Variants in FNBP1L observed in about 807,000 individuals in gnomAD.
The protein encoded by FNBP1L is formin binding protein 1 like, also known as formin-binding protein 1-like.
Under a neutral mutation model 91.2 loss-of-function variants are expected in FNBP1L, and 36 were observed. The ratio of observed to expected loss-of-function variants is 0.39; its 90% CI spans 0.30 to 0.52. The LOEUF (loss-of-function observed/expected upper bound fraction) is 0.52. FNBP1L is among the 20% of genes least tolerant of loss of function. FNBP1L has a pLI of 0.66. For missense variants in FNBP1L, 571 were observed against 732.1 expected (o/e 0.78, Z 2.54); for synonymous variants, 242 against 237.0 (o/e 1.02, Z -0.19).
intron 2 of FNBP1L, among the ~76,000 whole-genome samples, chr1:93,520,823 A>T (rs532734771): frequency 6.6e-5 from 10 of 152,216 alleles, no homozygotes; most frequent in Admixed American, 3.3e-4. Flanking sequence ...CAGGTGGATC[A>T]CCTGAGGTCA....
At chr1:93,463,479 G>A (rs775253109) in intron 1 of FNBP1L, among the ~76,000 whole-genome samples, 1 of 152,128 alleles carries the variant, frequency 6.6e-6, no homozygotes, top group Non-Finnish European at 1.5e-5. Flanking sequence ...GACCGTCTGT[G>A]TACATATTTA....
chr1:93,466,822 TC>T (rs1166044762), intron 1 of FNBP1L, among the ~76,000 whole-genome samples: 1 of 152,172 alleles, frequency 6.6e-6, no homozygotes, highest in Non-Finnish European at 1.5e-5. Flanking sequence ...TACTGATTCT[TC>T]CTATCCATGA....
chr1:93,469,645 A>G (rs932966109), intron 1 of FNBP1L, among the ~76,000 whole-genome samples: 2 of 152,168 alleles, frequency 1.3e-5, no homozygotes, highest in African/African-American at 4.8e-5. Flanking sequence ...CTGTGGTAGT[A>G]TGTACTAGTA....
intron 1 of FNBP1L, among the ~76,000 whole-genome samples, chr1:93,471,616 G>A (rs562848192): frequency 5.3e-5 from 8 of 152,248 alleles, no homozygotes; most frequent in South Asian, 2.1e-4. Context: ...TGCTTGAGCC[G>A]GGGAGGTGGA....
chr1:93,461,115 A>G (rs1668845812), intron 1 of FNBP1L, among the ~76,000 whole-genome samples: 1 of 152,142 alleles, frequency 6.6e-6, no homozygotes, highest in East Asian at 1.9e-4. Context: ...TGTCTGTTAA[A>G]ATTAGGGCAT....
chr1:93,496,238 CTCCCCCT>C (rs1458043062), intron 1 of FNBP1L, among the ~76,000 whole-genome samples: 1 of 151,318 alleles, frequency 6.6e-6, no homozygotes, highest in African/African-American at 2.4e-5. Flanking sequence ...CCCTCCCCAC[CTCCCCCT>C]TCCTTCTCCT....
At chr1:93,485,147 T>C (rs1669855300) in intron 1 of FNBP1L, among the ~76,000 whole-genome samples, 1 of 109,484 alleles carries the variant, frequency 9.1e-6, no homozygotes, top group Non-Finnish European at 1.9e-5. Context: ...TGAGACCCTA[T>C]CTCTAAAAAA....
intron 1 of FNBP1L, among the ~76,000 whole-genome samples, chr1:93,494,021 A>G (rs1486071430): frequency 2.0e-5 from 3 of 152,110 alleles, no homozygotes; most frequent in Admixed American, 6.6e-5. Flanking sequence ...GTTGGTACAG[A>G]TCCTACCGTT....
At chr1:93,524,767 A>G (rs1671443497) in intron 5 of FNBP1L, among the ~76,000 whole-genome samples, 1 of 151,912 alleles carries the variant, frequency 6.6e-6, no homozygotes, top group Non-Finnish European at 1.5e-5. Flanking sequence ...CATGTGAAAA[A>G]TGAAGAGAGT....
Position 93,524,369 on chromosome 1 carries a change from G to A in FNBP1L, c.405+46G>A, listed in dbSNP as rs190580629. The A allele has an allele frequency of 2.2e-4, 297 of 1,357,336 alleles. No individual in the cohort carries two copies. The African/African-American group carries it at 4.2e-3, about 19-fold the overall frequency. 84.1% of individuals were successfully genotyped at this position (1,357,336 alleles called of 1,614,324 possible). A position where few individuals can be genotyped will look rare whatever the true frequency, so the allele number is the denominator to read the frequency against. On this transcript the variant is annotated intron_variant, in intron 5 of 16. Transcript: ENST00000271234. ...GGTTAACATAAAATCTTGTAGACTA[G>A]ATTAGCCCTAAATACTTTTATGCTT...
At chr1:93,552,077 T>G in intron 16 of FNBP1L, 1 of 1,073,652 alleles carries the variant, frequency 9.3e-7, no homozygotes. Context: ...CTTTAGGGCA[T>G]TTTGTTATTT....
At chr1:93,468,129 C>G (rs1461446197) in intron 1 of FNBP1L, among the ~76,000 whole-genome samples, 3 of 152,122 alleles carry the variant, frequency 2.0e-5, no homozygotes, top group Non-Finnish European at 4.4e-5. Flanking sequence ...AACCCCAGCC[C>G]TAGGAAACCA....
intron 1 of FNBP1L, among the ~76,000 whole-genome samples, chr1:93,457,132 C>T (rs1668696300): frequency 1.3e-5 from 2 of 152,170 alleles, no homozygotes; most frequent in African/African-American, 2.4e-5. Context: ...GATCCATCTG[C>T]CTCAGCCTCC....
intron 1 of FNBP1L, among the ~76,000 whole-genome samples, chr1:93,496,335 A>C (rs1349470752): frequency 6.6e-6 from 1 of 151,502 alleles, no homozygotes; most frequent in Non-Finnish European, 1.5e-5. Context: ...GCTCACTGTA[A>C]CTTGAATTCC....
intron 1 of FNBP1L, among the ~76,000 whole-genome samples, chr1:93,485,723 G>C (rs1254999431): frequency 6.6e-6 from 1 of 152,106 alleles, no homozygotes; most frequent in African/African-American, 2.4e-5. Flanking sequence ...TTGAAGTGGA[G>C]TCTCTCTCTG....
chr1:93,536,808 C>G (rs966505670), intron 10 of FNBP1L, among the ~76,000 whole-genome samples: 1 of 151,954 alleles, frequency 6.6e-6, no homozygotes, highest in Admixed American at 6.6e-5. Context: ...TAATTTGTCA[C>G]TGGAGTTACT....
intron 5 of FNBP1L, among the ~76,000 whole-genome samples, chr1:93,527,456 G>A (rs1033156085): frequency 6.6e-6 from 1 of 152,090 alleles, no homozygotes; most frequent in African/African-American, 2.4e-5. Context: ...TAACTGGTTC[G>A]ATAAAGGAGG....
chr1:93,547,197 A>G (rs531138483), intron 13 of FNBP1L, 150 bp from the exon 14 acceptor site: 4 of 875,612 alleles, frequency 4.6e-6, no homozygotes, highest in Non-Finnish European at 7.0e-6. Flanking sequence ...TCAGCTATAA[A>G]GTTGATCCTT....
intron 2 of FNBP1L, among the ~76,000 whole-genome samples, chr1:93,515,051 C>T (rs549942897): frequency 8.5e-5 from 13 of 152,162 alleles, no homozygotes; most frequent in South Asian, 4.2e-4. Context: ...GAATCTACAA[C>T]GAACTCAAAC....
Sources: gnomAD v4.1 joint callset for allele counts (sites outside exome capture counted in the v4.1 genomes callset) on GRCh38, gnomAD v4.1.1 for gene constraint, MANE v1.5 for transcripts, NCBI Gene and HGNC (gene_info 2026-07-23, HGNC 2026-07-21) for gene names.